ARHGEF7: variants seen among roughly 807,000 people sequenced by gnomAD.
The protein encoded by ARHGEF7 is PAK-interacting exchange factor beta.
In ARHGEF7, 33 loss-of-function variants were observed where a neutral mutation model predicts 109.8. The observed-to-expected ratio is 0.30, with a 90% confidence interval of 0.23 to 0.40. The LOEUF is 0.40. ARHGEF7 is among the 10% of genes least tolerant of loss of function. The pLI is 1.00. For missense variants in ARHGEF7, 938 were observed against 1,098.5 expected (o/e 0.85, Z 2.07); for synonymous variants, 458 against 424.6 (o/e 1.08, Z -0.97).
rs931468933 is a variant in ARHGEF7 at position 111,303,615 on chromosome 13, T to A, written c.*502T>A. On this transcript the variant is annotated 3_prime_UTR_variant, in exon 22 of 22. Transcript: ENST00000646102. ...TGGTTCGTTCCGCAGCACCAGGGCC[T>A]CCACCGTGCTGTGGCAGCACCCCCC... The A allele has an allele frequency of 6.6e-6, 1 of 152,338 alleles. No homozygotes were observed. The highest frequency in any genetic ancestry group is 6.5e-5 in the Admixed American group (1 of 15,296). 9.4% of individuals were successfully genotyped at this position (152,338 alleles called of 1,614,324 possible).
intron 8 of ARHGEF7, among the ~76,000 whole-genome samples, chr13:111,260,455 C>T (rs1376503176): frequency 6.6e-6 from 1 of 152,144 alleles, no homozygotes; most frequent in Non-Finnish European, 1.5e-5. Context: ...AGACTGTGGG[C>T]CTGACATATT....
chr13:111,288,478 G>T (rs753670321), intron 18 of ARHGEF7, 35 bp downstream of exon 18: 20 of 1,523,806 alleles, frequency 1.3e-5, no homozygotes, highest in Non-Finnish European at 2.7e-6. Context: ...AAGTGTGGTG[G>T]TTTATTCTGT....
intron 1 of ARHGEF7, among the ~76,000 whole-genome samples, chr13:111,133,825 T>G (rs1382713784): frequency 7.4e-5 from 10 of 135,042 alleles, no homozygotes; most frequent in Non-Finnish European, 1.3e-4. Context: ...TTATTATACT[T>G]TAAGTTCTAG....
chr13:111,143,865 T>A (rs543047300), intron 1 of ARHGEF7: 1 of 152,374 alleles, frequency 6.6e-6, no homozygotes, highest in South Asian at 2.1e-4. Flanking sequence ...AAGATACAAC[T>A]GCTACGTTTT....
intron 19 of ARHGEF7, among the ~76,000 whole-genome samples, chr13:111,296,932 A>C (rs1211920218): frequency 6.6e-6 from 1 of 152,234 alleles, no homozygotes; most frequent in Non-Finnish European, 1.5e-5. Context: ...GAATGTGTTC[A>C]TCTCTGTCTG....
intron 2 of ARHGEF7, among the ~76,000 whole-genome samples, chr13:111,173,516 C>T (rs1278536157): frequency 3.9e-5 from 6 of 152,216 alleles, no homozygotes; most frequent in Non-Finnish European, 7.3e-5. Context: ...AGCGTAAGCT[C>T]AGCCCCAGGA....
intron 4 of ARHGEF7, among the ~76,000 whole-genome samples, chr13:111,212,068 C>T (rs905773734): frequency 6.6e-6 from 1 of 152,192 alleles, no homozygotes; most frequent in Admixed American, 6.5e-5. Flanking sequence ...AATGTGTCCT[C>T]CAGCCACCAC....
intron 6 of ARHGEF7, among the ~76,000 whole-genome samples, chr13:111,242,148 G>A (rs5021962): frequency 6.6e-6 from 1 of 152,160 alleles, no homozygotes; most frequent in South Asian, 2.1e-4. Flanking sequence ...CTCTCCCACG[G>A]TCGTCTCCCT....
intron 2 of ARHGEF7, chr13:111,182,395 T>G (rs564129779): frequency 6.6e-6 from 1 of 152,608 alleles, no homozygotes; most frequent in Non-Finnish European, 1.5e-5. Flanking sequence ...CTGCATGTGT[T>G]GCATACAAAA....
chr13:111,287,611 G>A (rs138780718), intron 17 of ARHGEF7, among the ~76,000 whole-genome samples: 1,804 of 152,356 alleles, frequency 0.012, 18 homozygotes, highest in Admixed American at 0.029. Flanking sequence ...TGGGAGATTC[G>A]GTGCCAGGGC....
chr13:111,247,570 C>CT (rs1320596941), intron 8 of ARHGEF7, among the ~76,000 whole-genome samples: 2 of 152,080 alleles, frequency 1.3e-5, no homozygotes, highest in African/African-American at 4.8e-5. Flanking sequence ...CACGCCTGGC[C>CT]TTCATATTCA....
chr13:111,146,026 G>A (rs1023569259), intron 1 of ARHGEF7, among the ~76,000 whole-genome samples: 1 of 152,144 alleles, frequency 6.6e-6, no homozygotes, highest in Non-Finnish European at 1.5e-5. Context: ...CCTGCAGTTA[G>A]GGAGCTTATG....
intron 2 of ARHGEF7, among the ~76,000 whole-genome samples, chr13:111,180,849 G>A (rs867481286): frequency 3.3e-5 from 5 of 152,152 alleles, no homozygotes; most frequent in Non-Finnish European, 5.9e-5. Flanking sequence ...TTTTTAATAC[G>A]TGTGTTTATA....
intron 19 of ARHGEF7, chr13:111,294,806 G>A (rs2093388765): frequency 1.0e-6 from 1 of 985,744 alleles, no homozygotes; most frequent in African/African-American, 1.7e-5. Context: ...AGGATGAAGA[G>A]TCTGAACTAG....
chr13:111,150,634 A>T (rs2075841184), intron 1 of ARHGEF7, among the ~76,000 whole-genome samples: 1 of 152,226 alleles, frequency 6.6e-6, no homozygotes, highest in African/African-American at 2.4e-5. Flanking sequence ...CGCTGTGCCA[A>T]CATAATCAAT....
At chr13:111,205,683 A>T (rs1014494059) in intron 3 of ARHGEF7, among the ~76,000 whole-genome samples, 1 of 152,106 alleles carries the variant, frequency 6.6e-6, no homozygotes, top group Non-Finnish European at 1.5e-5. Flanking sequence ...TTGGAGCTAG[A>T]AGCACCTTTC....
At chr13:111,205,151 TGCTGGTCTCCCTGTC>T in intron 2 of ARHGEF7, 123 bp from the exon 3 acceptor site, 1 of 606,532 alleles carries the variant, frequency 1.6e-6, no homozygotes, top group Non-Finnish European at 2.9e-6. Context: ...AGACTGAGCG[TGCTGGTCTCCCTGTC>T]GCAGGTTGTG....
intron 1 of ARHGEF7, among the ~76,000 whole-genome samples, chr13:111,124,472 T>TCCATGCTGGCCCTCTCCATG (rs1277898769): frequency 4.6e-5 from 7 of 152,252 alleles, no homozygotes; most frequent in Non-Finnish European, 1.0e-4. Context: ...TTGGCTCCTG[T>TCCATGCTGGCCCTCTCCATG]CCATGCTGGC....
At position 111,219,340 on chromosome 13, in the gene ARHGEF7, C is replaced by T. The variant is rs191097674; in HGVS notation, c.670+1460C>T. On this transcript the variant is annotated intron_variant, in intron 5 of 21. Transcript: ENST00000646102. ...CTGTAGCATATGACAGAGTTACCTT[C>T]CTTTGTAAGGCTGAATAATATTTCA... Among the ~76,000 whole-genome samples, 356 of 152,342 alleles carry T rather than the reference C, an allele frequency of 2.3e-3. 3 individuals carry two copies. The highest frequency in any genetic ancestry group is 7.5e-3 in the Admixed American group (115 of 15,308).
Sources: allele counts gnomAD v4.1 joint callset (sites outside exome capture counted in the v4.1 genomes callset), GRCh38; gene constraint gnomAD v4.1.1; transcripts MANE v1.5; gene names NCBI Gene and HGNC (gene_info 2026-07-23, HGNC 2026-07-21).